The following EPHB1 variants were observed in gnomAD, a reference collection of about 807,000 sequenced individuals.
The protein encoded by EPHB1 is EPH receptor B1.
A neutral mutation model predicts 94.4 loss-of-function variants in EPHB1; 30 were observed. The ratio of observed to expected loss-of-function variants is 0.32; its 90% CI spans 0.24 to 0.43. EPHB1 has a LOEUF of 0.43. EPHB1 is among the 20% of genes least tolerant of loss of function. The pLI, the probability that EPHB1 is intolerant of heterozygous loss-of-function variation, is 1.00. For missense variants in EPHB1, 1,055 were observed against 1,308.3 expected, an observed-to-expected ratio of 0.81 and a Z score of 2.99; for synonymous variants, 522 against 489.1, an observed-to-expected ratio of 1.07 and a Z score of -0.89.
chr3:135,111,575 G>A (rs1939444985), intron 4 of EPHB1, among the ~76,000 whole-genome samples: 1 of 152,190 alleles, frequency 6.6e-6, no homozygotes, highest in Non-Finnish European at 1.5e-5. Context: ...GGTCTGATGT[G>A]AGTGTGAATG....
At chr3:135,213,610 AC>A (rs1273401556) in intron 12 of EPHB1, among the ~76,000 whole-genome samples, 1 of 152,186 alleles carries the variant, frequency 6.6e-6, no homozygotes, top group Non-Finnish European at 1.5e-5. Flanking sequence ...GTACACACTC[AC>A]AAACTTGATC....
At chr3:135,196,836 G>A (rs1182473282) in intron 11 of EPHB1, among the ~76,000 whole-genome samples, 1 of 152,022 alleles carries the variant, frequency 6.6e-6, no homozygotes, top group Admixed American at 6.6e-5. Context: ...TCAGTAGATG[G>A]TTCATTATTA....
At chr3:135,146,631 T>C (rs1941019895) in intron 5 of EPHB1, among the ~76,000 whole-genome samples, 2 of 152,250 alleles carry the variant, frequency 1.3e-5, no homozygotes, top group Non-Finnish European at 2.9e-5. Flanking sequence ...AGCTCTCTTC[T>C]GGAGCGTTTA....
intron 3 of EPHB1, among the ~76,000 whole-genome samples, chr3:135,052,997 A>ATGTGTGTG (rs1246498295): frequency 3.6e-4 from 36 of 100,138 alleles, no homozygotes; most frequent in African/African-American, 1.5e-3. Flanking sequence ...GTGTATATAT[A>ATGTGTGTG]TGTGTGTGTA....
At chr3:134,893,649 T>G (rs1482168883) in intron 1 of EPHB1, among the ~76,000 whole-genome samples, 1 of 152,226 alleles carries the variant, frequency 6.6e-6, no homozygotes, top group African/African-American at 2.4e-5. Flanking sequence ...CTCCTTCTGC[T>G]CATCCCTCTA....
intron 9 of EPHB1, 53 bp from the exon 10 acceptor site, chr3:135,179,807 A>T: frequency 6.2e-7 from 1 of 1,608,040 alleles, no homozygotes; most frequent in Non-Finnish European, 8.5e-7. Flanking sequence ...GCAGTGCTGA[A>T]TGACAACCAT....
intron 7 of EPHB1, 104 bp downstream of exon 7, chr3:135,162,284 GATTCCAGTGGA>G: frequency 7.9e-7 from 1 of 1,265,176 alleles, no homozygotes; most frequent in Non-Finnish European, 1.1e-6. Context: ...TCTCCAACTG[GATTCCAGTGGA>G]ATTCCCTTCA....
chr3:134,893,815 C>T (rs2038034359), intron 1 of EPHB1, among the ~76,000 whole-genome samples: 1 of 152,234 alleles, frequency 6.6e-6, no homozygotes, highest in Admixed American at 6.5e-5. Flanking sequence ...TCCCTCCAGA[C>T]CGTAAACTGT....
At chr3:135,193,386 T>C (rs1420804896) in intron 11 of EPHB1, among the ~76,000 whole-genome samples, 1 of 152,022 alleles carries the variant, frequency 6.6e-6, no homozygotes, top group African/African-American at 2.4e-5. Context: ...AAGTGGGGAG[T>C]TGCTGAAGGC....
At chr3:135,227,311 T>A (rs1475273902) in intron 12 of EPHB1, among the ~76,000 whole-genome samples, 1 of 152,170 alleles carries the variant, frequency 6.6e-6, no homozygotes, top group Admixed American at 6.5e-5. Context: ...AAAATAAAAA[T>A]GTGTTCAAAG....
At chr3:134,967,244 T>C (rs1173321439) in intron 3 of EPHB1, among the ~76,000 whole-genome samples, 2 of 151,946 alleles carry the variant, frequency 1.3e-5, no homozygotes, top group Non-Finnish European at 2.9e-5. Flanking sequence ...AAAATGAAAA[T>C]GGAGTGGTGG....
rs141776605 is a variant in EPHB1 at position 135,214,519 on chromosome 3, G to A, written c.2346+12830G>A. On this transcript the variant is annotated intron_variant, in intron 12 of 15. Coordinates refer to ENST00000398015, the MANE Select transcript of EPHB1 (RefSeq NM_004441.5). ...CATGGCCCATCCTGAACCTGCTGGA[G>A]GAAGCCAGGCCTGTCACTCATGTGC... Among the ~76,000 whole-genome samples the A allele has an allele frequency of 8.5e-3, 1,287 of 152,288 alleles. 8 individuals carry two copies. The highest frequency in any genetic ancestry group is 0.012 in the Non-Finnish European group (810 of 68,026).
chr3:135,080,363 G>A (rs1161186770), intron 3 of EPHB1, among the ~76,000 whole-genome samples: 1 of 152,176 alleles, frequency 6.6e-6, no homozygotes, highest in Non-Finnish European at 1.5e-5. Flanking sequence ...GAGAAATTCT[G>A]CCCCAAACCA....
At chr3:135,085,541 A>G (rs1938328758) in intron 3 of EPHB1, among the ~76,000 whole-genome samples, 1 of 152,200 alleles carries the variant, frequency 6.6e-6, no homozygotes, top group East Asian at 1.9e-4. Flanking sequence ...CAAGGAATGG[A>G]GACAGCCTGG....
chr3:134,985,951 T>TC (rs1934580382), intron 3 of EPHB1, among the ~76,000 whole-genome samples: 1 of 152,104 alleles, frequency 6.6e-6, no homozygotes, highest in African/African-American at 2.4e-5. Context: ...AAAACCCTGG[T>TC]CAGGAGTCAC....
intron 9 of EPHB1, 118 bp from the exon 10 acceptor site, chr3:135,179,742 A>T (rs1942101227): frequency 2.4e-6 from 3 of 1,229,914 alleles, no homozygotes; most frequent in Non-Finnish European, 3.4e-6. Context: ...GAAAAGTTGC[A>T]GCCTGGTGTG....
intron 1 of EPHB1, among the ~76,000 whole-genome samples, chr3:134,860,500 A>G (rs972856654): frequency 2.6e-5 from 4 of 152,158 alleles, no homozygotes; most frequent in Admixed American, 6.5e-5. Context: ...CATAAGAAGC[A>G]ACTCCACTTT....
intron 3 of EPHB1, among the ~76,000 whole-genome samples, chr3:135,031,094 C>T (rs896309838): frequency 6.6e-6 from 1 of 152,138 alleles, no homozygotes; most frequent in Non-Finnish European, 1.5e-5. Context: ...GTGCACGGTG[C>T]GCGCACCCAC....
chr3:135,205,538 A>G (rs530514333), intron 12 of EPHB1, among the ~76,000 whole-genome samples: 282 of 152,204 alleles, frequency 1.9e-3, no homozygotes, highest in African/African-American at 6.4e-3. Context: ...TTCCTGGGCT[A>G]TTTTATTGGG....
Sources: gnomAD v4.1 joint callset for allele counts (sites outside exome capture counted in the v4.1 genomes callset) on GRCh38, gnomAD v4.1.1 for gene constraint, MANE v1.5 for transcripts, NCBI Gene and HGNC (gene_info 2026-07-23, HGNC 2026-07-21) for gene names.